The following CPSF4L variants were observed in gnomAD, a reference collection of about 807,000 sequenced individuals.
The protein encoded by CPSF4L is cleavage and polyadenylation specific factor 4 like, also known as putative cleavage and polyadenylation specificity factor subunit 4-like protein.
CPSF4L carries 18 observed loss-of-function variants against 24.0 expected under a neutral mutation model. That is an observed-to-expected ratio of 0.75 (90% CI 0.52 to 1.11). CPSF4L has a LOEUF of 1.11. Ranked by LOEUF, CPSF4L falls within the 50% of genes least tolerant of loss-of-function variation. The pLI, the probability that CPSF4L is intolerant of heterozygous loss-of-function variation, is 0.00. For synonymous variants in CPSF4L, 72 were observed against 77.2 expected (o/e 0.93, Z 0.35); for missense variants, 211 against 221.8 (o/e 0.95, Z 0.31).
At chr17:73,253,107 T>C (rs2062011877) in intron 4 of CPSF4L, among the ~76,000 whole-genome samples, 1 of 152,150 alleles carries the variant, frequency 6.6e-6, no homozygotes. Flanking sequence ...ACACCTGTAA[T>C]CCCAGCATTT....
intron 3 of CPSF4L, among the ~76,000 whole-genome samples, chr17:73,255,462 G>GTGCCA (rs1322733614): frequency 3.4e-5 from 5 of 148,670 alleles, no homozygotes; most frequent in Non-Finnish European, 5.9e-5. Context: ...AGTCGAGATT[G>GTGCCA]TGCCATTCCA....
chr17:73,242,943 A>G, the CPSF4L span: 1 of 1,614,058 alleles, frequency 6.2e-7, no homozygotes, highest in Non-Finnish European at 8.5e-7. Flanking sequence ...ATTCGGTGGC[A>G]TCACGATGCT....
downstream of CPSF4L, among the ~76,000 whole-genome samples, chr17:73,243,822 C>T (rs115594539): frequency 0.025 from 3,865 of 152,254 alleles, 162 homozygotes; most frequent in African/African-American, 0.086. Flanking sequence ...CATGAGCCAC[C>T]GCACTCAGCC....
chr17:73,242,193 AG>A, the CPSF4L span: 2 of 1,234,844 alleles, frequency 1.6e-6, no homozygotes, highest in South Asian at 2.6e-5. Flanking sequence ...ATGTTAGGGA[AG>A]GGGGTACGTT....
chr17:73,255,882 CTTCAAT>C, intron 3 of CPSF4L, among the ~76,000 whole-genome samples: 1 of 152,172 alleles, frequency 6.6e-6, no homozygotes, highest in Non-Finnish European at 1.5e-5. Context: ...GCACCTCAGC[CTTCAAT>C]CCGCCTTTCA....
intron 3 of CPSF4L, 132 bp from the exon 4 acceptor site, chr17:73,254,158 G>A (rs2145277674): frequency 2.9e-6 from 2 of 682,198 alleles, no homozygotes; most frequent in East Asian, 5.4e-5. Flanking sequence ...CCAGCTTTTT[G>A]AAGATGGAAA....
At chr17:73,250,094 G>A (rs1184752600) in intron 5 of CPSF4L, 3 of 598,368 alleles carry the variant, frequency 5.0e-6, no homozygotes, top group Non-Finnish European at 8.1e-6. Flanking sequence ...TCACTTACAG[G>A]ATCAAAAGAA....
intron 5 of CPSF4L, chr17:73,250,996 G>A (rs2062003591): frequency 6.5e-7 from 1 of 1,546,414 alleles, no homozygotes. Flanking sequence ...CCCTGCCCTT[G>A]ACCCCTGATC....
At chr17:73,258,460 C>A (rs1024340500) in intron 2 of CPSF4L, among the ~76,000 whole-genome samples, 4 of 152,114 alleles carry the variant, frequency 2.6e-5, no homozygotes, top group African/African-American at 9.7e-5. Context: ...TGCAACTACA[C>A]CCGGCTATTT....
chr17:73,261,664 GA>G (rs926800546), intron 1 of CPSF4L, 51 bp downstream of exon 1: 52 of 1,233,272 alleles, frequency 4.2e-5, no homozygotes, highest in Non-Finnish European at 4.3e-5. Context: ...CCGTCTCAAA[GA>G]AAAAAAAACA....
At chr17:73,259,961 C>T (rs963194868) in intron 2 of CPSF4L, among the ~76,000 whole-genome samples, 1 of 152,172 alleles carries the variant, frequency 6.6e-6, no homozygotes, top group African/African-American at 2.4e-5. Flanking sequence ...TTGAAAGAGC[C>T]TCTACATGAG....
downstream of CPSF4L, chr17:73,245,182 C>T (rs371020796): frequency 1.3e-5 from 21 of 1,613,610 alleles, no homozygotes; most frequent in Middle Eastern, 1.6e-4. Context: ...GCAGCGGTGG[C>T]GTAAGTAGTG....
chr17:73,245,447 G>C, downstream of CPSF4L: 2 of 1,159,468 alleles, frequency 1.7e-6, no homozygotes, highest in Non-Finnish European at 2.1e-6. Context: ...AGAAAAACTA[G>C]TTTTGTTTAA....
At chr17:73,261,681 G>C (rs2062046967) in intron 1 of CPSF4L, 35 bp downstream of exon 1, 1 of 1,363,860 alleles carries the variant, frequency 7.3e-7, no homozygotes, top group South Asian at 1.2e-5. Context: ...AAACAGAGAA[G>C]GTAGGGGAGG....
intron 1 of CPSF4L, among the ~76,000 whole-genome samples, chr17:73,261,393 G>T (rs2062044623): frequency 6.6e-6 from 1 of 152,246 alleles, no homozygotes; most frequent in Non-Finnish European, 1.5e-5. Flanking sequence ...TGGGCGTGGT[G>T]GCTCATGCCT....
rs1337112142 is a variant in CPSF4L at position 73,254,012 on chromosome 17, T to G, written c.322A>C (p.Lys108Gln). 1.3e-6 allele frequency: 2 copies of G among 1,551,470 alleles called. No homozygotes were observed. Among genetic ancestry groups the G allele is most frequent in the African/African-American group, 2.7e-5 (2 of 73,054 alleles). The change falls in exon 4 of 6, where the codon AAG (lysine) becomes CAG (glutamine). Residue 108 changes from lysine (K) to glutamine (Q), a missense_variant. By Grantham distance (53) the Lys-to-Gln change is moderately conservative (BLOSUM62 1). Transcript: ENST00000344935. ...TTCACATGGAGGAAGGAACACTCCT[T>G]GTTGCTGCAGTCACCTGAAAATCCC... ...FYSKFGDCSN[K>Q]ECSFLHVKPA...
Position 73,261,468 on chromosome 17 carries a change from T to A in CPSF4L, c.103+248A>T, listed in dbSNP as rs547987769. Among the ~76,000 whole-genome samples the A allele has an allele frequency of 3.9e-4, 59 of 152,168 alleles. 1 individual carries two copies. Among genetic ancestry groups the A allele is most frequent in the Non-Finnish European group, 1.0e-4 (7 of 68,022 alleles). ...CGAGGTCAGGAGATTGAGACCATCCTGGCTAACATGGTGAAACCCGGTCTC... is the reference window on the plus strand; with the variant it reads ...CGAGGTCAGGAGATTGAGACCATCCAGGCTAACATGGTGAAACCCGGTCTC... On this transcript the variant is annotated intron_variant, in intron 1 of 5. Coordinates refer to ENST00000344935, the MANE Select transcript of CPSF4L (RefSeq NM_001129885.1).
chr17:73,252,805 G>A (rs2062010820), intron 4 of CPSF4L, 82 bp from the exon 5 acceptor site: 1 of 878,356 alleles, frequency 1.1e-6, no homozygotes, highest in South Asian at 1.6e-5. Flanking sequence ...CCTAGGAAGG[G>A]TGTGGATGGT....
chr17:73,250,111 C>A, intron 5 of CPSF4L: 1 of 710,074 alleles, frequency 1.4e-6, no homozygotes, highest in South Asian at 3.6e-5. Flanking sequence ...AGAAATAAAC[C>A]TGCCTGCCAC....
Sources: gnomAD v4.1 joint callset for allele counts (sites outside exome capture counted in the v4.1 genomes callset) on GRCh38, gnomAD v4.1.1 for gene constraint, MANE v1.5 for transcripts, NCBI Gene and HGNC (gene_info 2026-07-23, HGNC 2026-07-21) for gene names.